Variants in TBC1D5 observed in about 807,000 individuals in gnomAD.
TBC1D5 encodes the protein TBC1 domain family, member 5.
In TBC1D5, 75 loss-of-function variants were observed where a neutral mutation model predicts 100.3. The ratio of observed to expected loss-of-function variants is 0.75; its 90% CI spans 0.62 to 0.91. TBC1D5 has a LOEUF of 0.91. Ranked by LOEUF, TBC1D5 falls within the 40% of genes least tolerant of loss-of-function variation. The probability of loss-of-function intolerance (pLI) is 0.00; values close to 1 mark genes in which losing one functional copy is unlikely to be tolerated. For missense variants in TBC1D5, 910 were observed against 942.4 expected (o/e 0.97, Z 0.45); for synonymous variants, 323 against 325.6 (o/e 0.99, Z 0.09).
intron 2 of TBC1D5, among the ~76,000 whole-genome samples, chr3:17,515,503 A>G (rs1251391914): frequency 6.6e-6 from 1 of 152,198 alleles, no homozygotes; most frequent in Non-Finnish European, 1.5e-5. Flanking sequence ...TATGAAGTAG[A>G]TACTATAACA....
chr3:17,555,390 G>T (rs1031494691), intron 2 of TBC1D5, among the ~76,000 whole-genome samples: 5 of 152,160 alleles, frequency 3.3e-5, no homozygotes, highest in Non-Finnish European at 7.3e-5. Flanking sequence ...GTATACACTG[G>T]TTCTGTCCAG....
chr3:17,393,361 A>T (rs1018390899), intron 8 of TBC1D5, among the ~76,000 whole-genome samples: 3 of 152,170 alleles, frequency 2.0e-5, no homozygotes, highest in African/African-American at 7.2e-5. Flanking sequence ...ATACTCATGG[A>T]TAGAAAGAAT....
At chr3:17,313,047 T>G (rs925647285) in intron 13 of TBC1D5, among the ~76,000 whole-genome samples, 1 of 152,192 alleles carries the variant, frequency 6.6e-6, no homozygotes, top group African/African-American at 2.4e-5. Flanking sequence ...TACCAGGAAA[T>G]TCCAATAAAG....
intron 13 of TBC1D5, among the ~76,000 whole-genome samples, chr3:17,342,583 C>T (rs1460509757): frequency 6.6e-6 from 1 of 152,132 alleles, no homozygotes; most frequent in Non-Finnish European, 1.5e-5. Context: ...AATGTCAAGG[C>T]TGACTATTAA....
At chr3:17,722,280 G>A (rs573701482) in intron 1 of TBC1D5, among the ~76,000 whole-genome samples, 1 of 152,110 alleles carries the variant, frequency 6.6e-6, no homozygotes, top group South Asian at 2.1e-4. Flanking sequence ...AAATACTTGG[G>A]ACCAGAAGTG....
At chr3:17,683,758 A>G (rs1305489600) in intron 1 of TBC1D5, among the ~76,000 whole-genome samples, 1 of 152,156 alleles carries the variant, frequency 6.6e-6, no homozygotes, top group East Asian at 1.9e-4. Flanking sequence ...CTATTTCTTC[A>G]ACTCGAAAAT....
intron 2 of TBC1D5, among the ~76,000 whole-genome samples, chr3:17,532,081 A>C (rs1314187115): frequency 2.0e-5 from 3 of 152,208 alleles, no homozygotes; most frequent in African/African-American, 7.2e-5. Flanking sequence ...TTTGCAATCT[A>C]CTCATCTGAC....
At chr3:17,432,746 TTTTAA>T (rs573120055) in intron 3 of TBC1D5, among the ~76,000 whole-genome samples, 47 of 152,298 alleles carry the variant, frequency 3.1e-4, no homozygotes, top group Non-Finnish European at 6.3e-4. Flanking sequence ...CAAGTGGACA[TTTTAA>T]TTTGAGAAAA....
chr3:17,427,480 T>C (rs1169046565), intron 4 of TBC1D5, among the ~76,000 whole-genome samples: 1 of 151,924 alleles, frequency 6.6e-6, no homozygotes. Context: ...ATTAAGAATA[T>C]ATAATATGTA....
At chr3:17,239,603 A>C (rs2076148843) in intron 16 of TBC1D5, among the ~76,000 whole-genome samples, 1 of 152,114 alleles carries the variant, frequency 6.6e-6, no homozygotes, top group Admixed American at 6.6e-5. Context: ...GTCACCAATG[A>C]CTTCACATTG....
At chr3:17,378,400 T>C (rs2092795946) in intron 9 of TBC1D5, among the ~76,000 whole-genome samples, 1 of 151,864 alleles carries the variant, frequency 6.6e-6, no homozygotes, top group South Asian at 2.1e-4. Context: ...ATTCAGAGTG[T>C]TTTAAAAAAA....
Position 17,270,103 on chromosome 3 carries a change from T to C in TBC1D5, c.1246-11512A>G, listed in dbSNP as rs114887100. Among the ~76,000 whole-genome samples, 459 of 152,294 alleles carry C rather than the reference T, an allele frequency of 3.0e-3. 2 individuals are homozygous for C. The highest frequency in any genetic ancestry group is 0.011 in the African/African-American group (449 of 41,578). Reference sequence around the variant, plus strand: ...TCCATAGCGGCTGAACTAATTTACATTCCCATCAACAATGTGTAAGAGTTC... The same window carrying C: ...TCCATAGCGGCTGAACTAATTTACACTCCCATCAACAATGTGTAAGAGTTC... On this transcript the variant is annotated intron_variant, in intron 15 of 21. Transcript: ENST00000253692.
At chr3:17,655,295 G>A (rs1006482155) in intron 1 of TBC1D5, among the ~76,000 whole-genome samples, 2 of 137,604 alleles carry the variant, frequency 1.5e-5, no homozygotes, top group African/African-American at 5.5e-5. Flanking sequence ...ATCACACTCT[G>A]GGGACTGTTG....
intron 3 of TBC1D5, among the ~76,000 whole-genome samples, chr3:17,464,337 C>T (rs1450755825): frequency 3.3e-5 from 5 of 152,248 alleles, no homozygotes; most frequent in South Asian, 2.1e-4. Flanking sequence ...TGCCACCACA[C>T]GCTTAAAGCT....
At chr3:17,640,455 A>G (rs2064385856) in intron 1 of TBC1D5, among the ~76,000 whole-genome samples, 1 of 152,100 alleles carries the variant, frequency 6.6e-6, no homozygotes, top group African/African-American at 2.4e-5. Flanking sequence ...TCCACCCAAA[A>G]TATCAATTTC....
At chr3:17,526,929 A>C (rs1284288868) in intron 2 of TBC1D5, among the ~76,000 whole-genome samples, 5 of 152,218 alleles carry the variant, frequency 3.3e-5, no homozygotes, top group African/African-American at 1.2e-4. Context: ...GAAGGAAAGA[A>C]GGTAGTAAGC....
chr3:17,244,109 A>G (rs1031498909), intron 16 of TBC1D5, among the ~76,000 whole-genome samples: 1 of 152,238 alleles, frequency 6.6e-6, no homozygotes, highest in African/African-American at 2.4e-5. Flanking sequence ...AAGCTATGAC[A>G]TAGGAAATCT....
chr3:17,548,015 T>C (rs1243294692), intron 2 of TBC1D5, among the ~76,000 whole-genome samples: 1 of 152,166 alleles, frequency 6.6e-6, no homozygotes, highest in Non-Finnish European at 1.5e-5. Context: ...ATCAAAGTTG[T>C]TAAAATTTCA....
At chr3:17,234,040 T>C (rs967616661) in intron 17 of TBC1D5, among the ~76,000 whole-genome samples, 2 of 152,164 alleles carry the variant, frequency 1.3e-5, no homozygotes, top group Admixed American at 1.3e-4. Context: ...GCATATTTCA[T>C]GATGCTACAA....
Sources: gnomAD v4.1 joint callset for allele counts (sites outside exome capture counted in the v4.1 genomes callset) on GRCh38, gnomAD v4.1.1 for gene constraint, MANE v1.5 for transcripts, NCBI Gene and HGNC (gene_info 2026-07-23, HGNC 2026-07-21) for gene names.